Variants in VGLL3 observed in about 807,000 individuals in gnomAD.
The protein encoded by VGLL3 is vestigial like family member 3.
VGLL3 carries 18 observed loss-of-function variants against 29.2 expected under a neutral mutation model. The observed-to-expected ratio is 0.62, with a 90% CI of 0.43 to 0.91. The LOEUF is 0.91. Ranked by LOEUF, VGLL3 falls within the 40% of genes least tolerant of loss-of-function variation. VGLL3 has a pLI of 0.00. For synonymous variants in VGLL3, 180 were observed against 151.8 expected (o/e 1.19, Z -1.36); for missense variants, 440 against 413.2 (o/e 1.06, Z -0.56).
At chr3:86,975,594 G>T (rs1705192057) in intron 2 of VGLL3, among the ~76,000 whole-genome samples, 3 of 151,888 alleles carry the variant, frequency 2.0e-5, no homozygotes, top group Admixed American at 2.0e-4. Flanking sequence ...TCTAATTCCG[G>T]ATACATGGTA....
chr3:86,940,879 A>C lies in VGLL3; in HGVS notation c.*6145T>G. On this transcript the variant is annotated 3_prime_UTR_variant, in exon 4 of 4. Coordinates refer to ENST00000398399, the MANE Select transcript of VGLL3 (RefSeq NM_016206.4). ...TTTATTAGTTAAAAATGACAGCATA[A>C]CTAAGGTTAATTTTTATTTCTGGAA... is the stretch of plus-strand genomic sequence containing the variant. 1 of 152,394 alleles carries C rather than the reference A, an allele frequency of 6.6e-6. No individual in the cohort carries two copies. Among genetic ancestry groups the C allele is most frequent in the Non-Finnish European group, 1.5e-5 (1 of 67,908 alleles). The allele number at this position is 152,394 out of a possible 1,614,324, so 9.4% of individuals were successfully genotyped here.
In VGLL3 at chr3:86,941,708, G is replaced by A. The variant is rs915529693; in HGVS notation, c.*5316C>T. On this transcript the variant is annotated 3_prime_UTR_variant, in exon 4 of 4. Transcript: ENST00000398399. ...AATAGACAATAAAAGAAATAGAAAAGTTGAGATACTTTAACAATAATGACG... is the reference window on the plus strand; with the variant it reads ...AATAGACAATAAAAGAAATAGAAAAATTGAGATACTTTAACAATAATGACG... 6.6e-6 allele frequency: 1 copy of A among 152,032 alleles called. No homozygotes were observed. The highest frequency in any genetic ancestry group is 2.1e-4 in the South Asian group (1 of 4,826). The allele number at this position is 152,032 out of a possible 1,614,324, so 9.4% of individuals were successfully genotyped here.
At position 86,938,856 on chromosome 3, in the gene VGLL3, G is replaced by A. The variant is rs1455606860; in HGVS notation, c.*8168C>T. 8 of 152,164 alleles carry A rather than the reference G, an allele frequency of 5.3e-5. No individual in the cohort carries two copies. The highest frequency in any genetic ancestry group is 1.0e-4 in the Non-Finnish European group (7 of 68,040). 9.4% of individuals were successfully genotyped at this position (152,164 alleles called of 1,614,324 possible). A position where few individuals can be genotyped will look rare whatever the true frequency, so the allele number is the denominator to read the frequency against. ...CTATTTAGTCAAATGTGTATAAGCA[G>A]GTCAAATAAGATGCTTGGAGACTTA... is the stretch of plus-strand genomic sequence containing the variant. On this transcript the variant is annotated 3_prime_UTR_variant, in exon 4 of 4. Transcript: ENST00000398399.
chr3:86,961,265 A>G (rs1379362020), intron 3 of VGLL3, among the ~76,000 whole-genome samples: 1 of 152,134 alleles, frequency 6.6e-6, no homozygotes, highest in Non-Finnish European at 1.5e-5. Flanking sequence ...ACATTTAAAT[A>G]AAGTGGATGA....
At chr3:86,963,044 A>G (rs565131507) in intron 3 of VGLL3, 5 of 221,658 alleles carry the variant, frequency 2.3e-5, no homozygotes, top group Non-Finnish European at 4.9e-5. Context: ...GCAGTGAGTC[A>G]AGATCTCGCC....
chr3:86,950,554 G>A (rs1055442966), intron 3 of VGLL3, among the ~76,000 whole-genome samples: 8 of 152,064 alleles, frequency 5.3e-5, no homozygotes, highest in Admixed American at 5.2e-4. Context: ...TCAATTCAAG[G>A]AAAACTTAAC....
chr3:86,978,529 G>T lies in VGLL3; in HGVS notation c.400C>A (p.Arg134=). ...KSKMGLTPLW[R]DSSALSSQRN... ...ACATCTGCTTTTGAATTCTTACCTCGCCATAGGGGGGTTAGCCCCATCTTG... is the reference window on the plus strand; with the variant it reads ...ACATCTGCTTTTGAATTCTTACCTCTCCATAGGGGGGTTAGCCCCATCTTG... Residue 134 remains arginine (R), a synonymous_variant, in exon 2 of 4, where the codon CGA becomes AGA. Transcript: ENST00000398399. 6.2e-7 allele frequency: 1 copy of T among 1,613,724 alleles called. No homozygotes were observed. Among genetic ancestry groups the T allele is most frequent in the Non-Finnish European group, 8.5e-7 (1 of 1,179,862 alleles).
rs1438894720 is a variant in VGLL3 at position 86,968,875 on chromosome 3, A to G, written c.652T>C (p.Ser218Pro). The change falls in exon 3 of 4, where the codon TCC (serine) becomes CCC (proline). Residue 218 changes from serine (S) to proline (P), a missense_variant. Transcript: ENST00000398399. ...TACACGTCATGCATATGGCTGTAGG[A>G]TGGGCTCACCTGAGATGTCAAAGGA... is the stretch of plus-strand genomic sequence containing the variant. ...PYPLTSQVSP[S>P]YSHMHDVYMR... 2 of 1,614,016 alleles carry G rather than the reference A, an allele frequency of 1.2e-6. No individual in the cohort carries two copies. Among genetic ancestry groups the G allele is most frequent in the African/African-American group, 2.7e-5 (2 of 74,900 alleles).
At position 86,981,698 on chromosome 3, in the gene VGLL3, A is replaced by G. The variant is rs79416035; in HGVS notation, c.127-2896T>C. Among the ~76,000 whole-genome samples the G allele has an allele frequency of 5.9e-4, 90 of 152,262 alleles. No individual in the cohort carries two copies. In the East Asian group the frequency reaches 0.013, roughly 23 times the overall value. On this transcript the variant is annotated intron_variant, in intron 1 of 3. Transcript: ENST00000398399. ...AATAAATTTGCTAGAAAACTATCAAACAAATAAAATGAAAAAAGCTTCTAT... is the reference window on the plus strand; with the variant it reads ...AATAAATTTGCTAGAAAACTATCAAGCAAATAAAATGAAAAAAGCTTCTAT...
intron 3 of VGLL3, among the ~76,000 whole-genome samples, chr3:86,951,418 A>G (rs1160032109): frequency 6.6e-6 from 1 of 152,154 alleles, no homozygotes; most frequent in African/African-American, 2.4e-5. Context: ...ATTGATTTAC[A>G]TTCATGAAAG....
intron 3 of VGLL3, among the ~76,000 whole-genome samples, chr3:86,960,186 A>G (rs910030142): frequency 6.6e-6 from 1 of 152,022 alleles, no homozygotes; most frequent in African/African-American, 2.4e-5. Context: ...GAGAACTTAA[A>G]CCCATTAAAA....
chr3:86,954,303 G>A (rs1201733428), intron 3 of VGLL3, among the ~76,000 whole-genome samples: 1 of 152,188 alleles, frequency 6.6e-6, no homozygotes, highest in Non-Finnish European at 1.5e-5. Context: ...GGGAAACATT[G>A]CAGGTGAGAA....
chr3:86,987,387 G>C (rs1705469443), intron 1 of VGLL3, among the ~76,000 whole-genome samples: 1 of 152,182 alleles, frequency 6.6e-6, no homozygotes, highest in Non-Finnish European at 1.5e-5. Context: ...TCATCCAGCT[G>C]TTACCCTGGA....
chr3:86,973,066 A>T (rs551785051), intron 2 of VGLL3, among the ~76,000 whole-genome samples: 200 of 147,028 alleles, frequency 1.4e-3, no homozygotes, highest in African/African-American at 4.9e-3. Flanking sequence ...AATGTCTCTT[A>T]AAAAAAACAC....
Position 86,968,811 on chromosome 3 carries a change from C to G in VGLL3, c.716G>C (p.Arg239Pro), listed in dbSNP as rs202199504. ...HHHPHAHMHH[R>P]HRHHHHHHHP... is the part of the protein sequence containing the mutation. ...GTGATGGTGATGATGGTGGCGGTGGCGGTGGTGCATGTGGGCATGAGGGTG... is the reference window on the plus strand; with the variant it reads ...GTGATGGTGATGATGGTGGCGGTGGGGGTGGTGCATGTGGGCATGAGGGTG... Residue 239 changes from arginine to proline, a missense_variant, in exon 3 of 4, where the codon CGC (arginine) becomes CCC (proline). By Grantham distance (103) the Arg-to-Pro change is moderately radical. Transcript: ENST00000398399. The G allele has an allele frequency of 2.4e-5, 39 of 1,613,924 alleles. 1 individual carries two copies. Among genetic ancestry groups the G allele is most frequent in the Middle Eastern group, 1.7e-4 (1 of 6,060 alleles).
Position 86,946,859 on chromosome 3 carries a change from A to C in VGLL3, c.*165T>G. The C allele has an allele frequency of 1.7e-6, 1 of 583,394 alleles. No individual in the cohort carries two copies. 36.1% of individuals were successfully genotyped at this position (583,394 alleles called of 1,614,324 possible). ...TGCTTTTCTTCAATGTCTGGGACCC[A>C]CTTTGCTTTCTCAAGAAAGGCCGAA... On this transcript the variant is annotated 3_prime_UTR_variant, in exon 4 of 4. Transcript: ENST00000398399.
At chr3:86,952,507 A>G (rs1704636573) in intron 3 of VGLL3, among the ~76,000 whole-genome samples, 1 of 152,172 alleles carries the variant, frequency 6.6e-6, no homozygotes, top group Non-Finnish European at 1.5e-5. Context: ...CATGCTGTTG[A>G]TTAAAAAAAG....
chr3:86,990,670 G>T lies in VGLL3; in HGVS notation c.74C>A (p.Ala25Glu), dbSNP rs781048730. ...ASQYLPNPMA[A>E]TTCPTAYYQP... ...ATAGTAGGCTGTGGGGCAGGTTGTC[G>T]CTGCCATGGGGTTGGGCAGATACTG... Residue 25 changes from alanine (A) to glutamate (E), a missense_variant, in exon 1 of 4, where the codon GCG (alanine) becomes GAG (glutamate). By Grantham distance (107) the Ala-to-Glu change is moderately radical. Transcript: ENST00000398399. The T allele has an allele frequency of 2.8e-6, 4 of 1,406,912 alleles. No homozygotes were observed. Among genetic ancestry groups the T allele is most frequent in the South Asian group, 1.9e-5 (1 of 53,276 alleles). The allele number at this position is 1,406,912 out of a possible 1,614,324, so 87.2% of individuals were successfully genotyped here.
chr3:86,971,105 T>G (rs940879090), intron 2 of VGLL3, among the ~76,000 whole-genome samples: 1 of 152,310 alleles, frequency 6.6e-6, no homozygotes, highest in East Asian at 1.9e-4. Flanking sequence ...AGGGTATGAA[T>G]GGAGGATATC....
Sources: gnomAD v4.1 joint callset for allele counts (sites outside exome capture counted in the v4.1 genomes callset) on GRCh38, gnomAD v4.1.1 for gene constraint, MANE v1.5 for transcripts, NCBI Gene and HGNC (gene_info 2026-07-23, HGNC 2026-07-21) for gene names.